The following GRIA3 variants were observed in gnomAD, a reference collection of about 807,000 sequenced individuals.
GRIA3 encodes glutamate receptor 3.
GRIA3 carries 3 observed loss-of-function variants against 63.0 expected under a neutral mutation model. That is an observed-to-expected ratio of 0.05 (90% CI 0.02 to 0.12). GRIA3 has a LOEUF of 0.12. Among genes scored for constraint, GRIA3 ranks in the 10% least tolerant of loss-of-function variants. The pLI is 1.00. For missense variants in GRIA3, 347 were observed against 700.9 expected (o/e 0.50, Z 5.70); for synonymous variants, 274 against 257.9 (o/e 1.06, Z -0.60).
At chrX:123,205,121 A>G (rs1261827386) in intron 2 of GRIA3, among the ~76,000 whole-genome samples, 1 of 111,774 alleles carries the variant, frequency 8.9e-6, no homozygotes, top group East Asian at 2.8e-4. Context: ...TCAGGCTGAT[A>G]GCATTACTAT....
intron 5 of GRIA3, among the ~76,000 whole-genome samples, chrX:123,384,675 A>C (rs1461610838): frequency 2.7e-5 from 3 of 111,623 alleles, no homozygotes; most frequent in Non-Finnish European, 3.8e-5. Context: ...GTTATTTTTG[A>C]CTTTTTAATA....
intron 2 of GRIA3, among the ~76,000 whole-genome samples, chrX:123,252,920 A>G (rs775524343): frequency 1.8e-5 from 2 of 112,270 alleles, no homozygotes; most frequent in East Asian, 5.6e-4. Flanking sequence ...GAAGGGTGGT[A>G]CAAAAAACAG....
At chrX:123,372,420 G>C (rs1321282849) in intron 5 of GRIA3, among the ~76,000 whole-genome samples, 1 of 111,745 alleles carries the variant, frequency 8.9e-6, no homozygotes, top group Admixed American at 9.5e-5. Flanking sequence ...AATGCCTTTG[G>C]TATTTTGATA....
intron 12 of GRIA3, among the ~76,000 whole-genome samples, chrX:123,453,831 G>A (rs1177591641): frequency 9.0e-6 from 1 of 111,439 alleles, no homozygotes; most frequent in African/African-American, 3.3e-5. Context: ...TACCTGATAA[G>A]GCAAATGAAA....
intron 7 of GRIA3, among the ~76,000 whole-genome samples, chrX:123,399,076 G>T (rs1046103860): frequency 4.5e-5 from 5 of 110,383 alleles, no homozygotes; most frequent in Non-Finnish European, 9.5e-5. Flanking sequence ...GCTAGTAAAT[G>T]AAACTTAGTA....
chrX:123,409,824 C>T (rs1191858787), intron 10 of GRIA3, among the ~76,000 whole-genome samples: 1 of 111,515 alleles, frequency 9.0e-6, no homozygotes, highest in Non-Finnish European at 1.9e-5. Flanking sequence ...ATAAAGGACA[C>T]AGGTACAGCA....
intron 11 of GRIA3, 156 bp downstream of exon 11, chrX:123,417,934 C>T: frequency 1.9e-6 from 1 of 539,393 alleles, no homozygotes; most frequent in Non-Finnish European, 3.2e-6. Context: ...TGCTTATGTC[C>T]ATGAAGTGAG....
At chrX:123,357,813 A>C (rs1464386112) in intron 5 of GRIA3, among the ~76,000 whole-genome samples, 1 of 111,556 alleles carries the variant, frequency 9.0e-6, no homozygotes, top group Non-Finnish European at 1.9e-5. Context: ...ATGTCAGTCT[A>C]AGTAATGAAA....
At chrX:123,225,483 C>G (rs926210115) in intron 2 of GRIA3, among the ~76,000 whole-genome samples, 2 of 111,911 alleles carry the variant, frequency 1.8e-5, no homozygotes, top group African/African-American at 6.5e-5. Context: ...GAATTTATTT[C>G]TCTGTAGTCA....
chrX:123,330,947 A>T (rs1278985259), intron 4 of GRIA3, among the ~76,000 whole-genome samples: 1 of 112,449 alleles, frequency 8.9e-6, no homozygotes, highest in African/African-American at 3.2e-5. Flanking sequence ...TAGAAGACTT[A>T]TTTAATAAAT....
rs185863506 is a variant in GRIA3, at chrX:123,199,651, A to G, written c.268+13661A>G. 5.9e-3 allele frequency among the ~76,000 whole-genome samples: 658 copies of G among 111,585 alleles called. 4 individuals carry two copies. The highest frequency in any genetic ancestry group is 0.021 in the African/African-American group (637 of 30,722). The stretch of plus-strand genomic sequence containing the variant: ...CATAATCCTTATTCTCTTGGCTTTC[A>G]CTGCTGCACAATGACATACATAAAA... On this transcript the variant is annotated intron_variant, in intron 2 of 15. Transcript: ENST00000620443.
chrX:123,410,878 T>C (rs746914147), intron 10 of GRIA3, among the ~76,000 whole-genome samples: 11 of 111,811 alleles, frequency 9.8e-5, no homozygotes, highest in Non-Finnish European at 2.1e-4. Flanking sequence ...TATCTTGATA[T>C]TGTCTTTAAC....
intron 2 of GRIA3, among the ~76,000 whole-genome samples, chrX:123,194,290 C>T (rs1216482808): frequency 9.0e-6 from 1 of 110,841 alleles, no homozygotes; most frequent in African/African-American, 3.3e-5. Flanking sequence ...CTCAATTATC[C>T]ATGATTGGCT....
chrX:123,418,135 T>C (rs184229080), intron 11 of GRIA3, among the ~76,000 whole-genome samples: 5 of 112,135 alleles, frequency 4.5e-5, no homozygotes, highest in African/African-American at 1.6e-4. Flanking sequence ...TGAAGTGTTT[T>C]CTCATTTCTA....
At chrX:123,439,194 A>G (rs1349718716) in intron 12 of GRIA3, among the ~76,000 whole-genome samples, 1 of 112,204 alleles carries the variant, frequency 8.9e-6, no homozygotes, top group Non-Finnish European at 1.9e-5. Flanking sequence ...GCAGGATTGC[A>G]CTAGCATGCA....
chrX:123,204,852 T>A (rs1014091080), intron 2 of GRIA3, among the ~76,000 whole-genome samples: 1 of 112,134 alleles, frequency 8.9e-6, no homozygotes, highest in Admixed American at 9.4e-5. Context: ...CTAAAGATAA[T>A]TTCTCTTCTT....
At chrX:123,184,796 G>T in intron 1 of GRIA3, 152 bp downstream of exon 1, 1 of 488,748 alleles carries the variant, frequency 2.0e-6, no homozygotes, top group Non-Finnish European at 3.7e-6. Context: ...GGGGCGGGGG[G>T]CGGGGCGGGG....
chrX:123,345,829 T>C (rs935464955), intron 4 of GRIA3, among the ~76,000 whole-genome samples: 2 of 110,163 alleles, frequency 1.8e-5, no homozygotes, highest in Admixed American at 9.8e-5. Flanking sequence ...GGAACAAAAA[T>C]CAGGGAAGGC....
intron 4 of GRIA3, among the ~76,000 whole-genome samples, chrX:123,327,002 T>C (rs2044910070): frequency 9.2e-6 from 1 of 108,628 alleles, no homozygotes; most frequent in East Asian, 2.9e-4. Flanking sequence ...CCCATCTCTG[T>C]TAGAAATACA....
Sources: allele counts gnomAD v4.1 joint callset (sites outside exome capture counted in the v4.1 genomes callset), GRCh38; gene constraint gnomAD v4.1.1; transcripts MANE v1.5; gene names NCBI Gene and HGNC (gene_info 2026-07-23, HGNC 2026-07-21).